Variants in PRSS53 observed in about 807,000 individuals in gnomAD.
PRSS53 encodes the protein EDTP308.
Under a neutral mutation model 62.7 loss-of-function variants are expected in PRSS53, and 54 were observed. That is an observed-to-expected ratio of 0.86 (90% CI 0.69 to 1.08). The LOEUF (loss-of-function observed/expected upper bound fraction) is 1.08, where lower values mean the gene tolerates loss of function less well. Among genes scored for constraint, PRSS53 ranks in the 50% least tolerant of loss-of-function variants. PRSS53 has a pLI of 0.00. For missense variants in PRSS53, 688 were observed against 728.3 expected, an observed-to-expected ratio of 0.94 and a Z score of 0.64; for synonymous variants, 273 against 300.0, an observed-to-expected ratio of 0.91 and a Z score of 0.93.
At chr16:31,088,050 A>G in intron 1 of PRSS53, 1 of 1,435,676 alleles carries the variant, frequency 7.0e-7, no homozygotes, top group Non-Finnish European at 9.1e-7. Flanking sequence ...AGCTGTGCTC[A>G]GCACTCTGGG....
intron 1 of PRSS53, chr16:31,088,527 C>A: frequency 7.0e-7 from 1 of 1,424,266 alleles, no homozygotes; most frequent in African/African-American, 1.4e-5. Context: ...ACACACAAGA[C>A]CACAGGCCCC....
intron 1 of PRSS53, chr16:31,088,445 G>C: frequency 7.8e-7 from 1 of 1,280,252 alleles, no homozygotes; most frequent in Non-Finnish European, 9.9e-7. Context: ...GAGGAGCCCA[G>C]AGTTTGCCTG....
intron 6 of PRSS53, among the ~76,000 whole-genome samples, chr16:31,085,716 T>C (rs1596787760): frequency 6.6e-6 from 1 of 152,202 alleles, no homozygotes; most frequent in South Asian, 2.1e-4. Context: ...GGGTCCCTGC[T>C]GGAAGCCTGC....
At chr16:31,088,498 C>G (rs949712167) in intron 1 of PRSS53, 60 of 1,384,500 alleles carry the variant, frequency 4.3e-5, no homozygotes, top group Non-Finnish European at 5.2e-5. Context: ...ACAGGACACA[C>G]GCAGGCAGCA....
chr16:31,088,113 C>T, intron 1 of PRSS53: 2 of 1,368,566 alleles, frequency 1.5e-6, no homozygotes, highest in Admixed American at 3.0e-5. Flanking sequence ...TTCAGAACCC[C>T]CAACTCCTGC....
exon 6 of PRSS53, chr16:31,085,970 A>G: frequency 6.2e-7 from 1 of 1,613,466 alleles, no homozygotes; most frequent in Non-Finnish European, 8.5e-7. Flanking sequence ...GTACCTACAC[A>G]GCTGTCCTCA....
chr16:31,086,541 G>T (rs764592392), intron 4 of PRSS53, 50 bp from the exon 5 acceptor site: 1 of 1,579,870 alleles, frequency 6.3e-7, no homozygotes, highest in South Asian at 1.2e-5. Flanking sequence ...TGGGAAGCAA[G>T]GGAGACTGGA....
At position 31,087,794 on chromosome 16, in the gene PRSS53, C is replaced by T. The variant is rs1205782617; in HGVS notation, c.79+12G>A. ...CCAAGTAAGACCTAGGCCCCGTGTC[C>T]CCAGACCTTACCACGCTGAGCGGCT... On this transcript the variant is annotated intron_variant, in intron 2 of 10. Transcript: ENST00000280606. The T allele has an allele frequency of 1.2e-6, 2 of 1,614,044 alleles. No homozygotes were observed. Among genetic ancestry groups the T allele is most frequent in the Admixed American group, 3.3e-5 (2 of 60,016 alleles).
chr16:31,088,690 G>A lies in PRSS53; in HGVS notation c.58+62C>T, dbSNP rs891634306. 9 of 1,607,786 alleles carry A rather than the reference G, an allele frequency of 5.6e-6. No individual in the cohort carries two copies. The African/African-American group carries it at 1.1e-4, about 19-fold the overall frequency. On this transcript the variant is annotated intron_variant, in intron 1 of 10. Coordinates refer to ENST00000280606, the Ensembl canonical transcript of PRSS53. Reference sequence around the variant, plus strand: ...CCCACCAAGAAGCAGGGACTGCTGGGGCAGAGATGGCCCCTGAGCCCCCAC... The same window carrying A: ...CCCACCAAGAAGCAGGGACTGCTGGAGCAGAGATGGCCCCTGAGCCCCCAC...
At chr16:31,085,708 G>T (rs1243106574) in intron 6 of PRSS53, among the ~76,000 whole-genome samples, 1 of 152,188 alleles carries the variant, frequency 6.6e-6, no homozygotes, top group Non-Finnish European at 1.5e-5. Flanking sequence ...GGCTCGCTGG[G>T]TCCCTGCTGG....
In PRSS53 at chr16:31,084,752, C is replaced by A. The variant is rs1359153510; in HGVS notation, c.1279+28G>T. The A allele has an allele frequency of 1.9e-6, 3 of 1,590,220 alleles. No individual in the cohort carries two copies. In the African/African-American group the frequency reaches 4.0e-5, roughly 21 times the overall value. ...TGCCCCGGCCTGCAGGTTGGATGGA[C>A]AGCAGCCCTGGCCCTGTGCCCACCT... On this transcript the variant is annotated intron_variant, in intron 8 of 10. Coordinates refer to ENST00000280606, the Ensembl canonical transcript of PRSS53.
At position 31,087,526 on chromosome 16, in the gene PRSS53, C is replaced by T. The variant is rs1195109160; in HGVS notation, c.242+11G>A. The T allele has an allele frequency of 1.2e-6, 2 of 1,609,586 alleles. No homozygotes were observed. Among genetic ancestry groups the T allele is most frequent in the Admixed American group, 1.7e-5 (1 of 59,854 alleles). On this transcript the variant is annotated intron_variant, in intron 3 of 10. Coordinates refer to ENST00000280606, the Ensembl canonical transcript of PRSS53. ...AGCCGGAGACCCTGCCTGACCCCAG[C>T]CATGACTTACTTTTCAAAGCAGTGG...
chr16:31,084,626 C>T (rs1596785605), exon 9 of PRSS53: 3 of 1,607,770 alleles, frequency 1.9e-6, no homozygotes, highest in Non-Finnish European at 8.5e-7. Context: ...CTGCCATCAC[C>T]CCCAGGAGCT....
At chr16:31,084,309 A>G in exon 10 of PRSS53, 3 of 1,612,802 alleles carry the variant, frequency 1.9e-6, no homozygotes, top group Non-Finnish European at 2.5e-6. Flanking sequence ...CCCTCACCTC[A>G]TGCACCAGTG....
At chr16:31,087,740 C>G (rs760717296) in intron 2 of PRSS53, 41 bp from the exon 3 acceptor site, 2 of 1,614,142 alleles carry the variant, frequency 1.2e-6, no homozygotes, top group East Asian at 4.5e-5. Context: ...AGATACCTGT[C>G]CTGACCTCAC....
chr16:31,088,878 C>A, exon 1 of PRSS53: 1 of 1,598,738 alleles, frequency 6.3e-7, no homozygotes, highest in Non-Finnish European at 8.5e-7. Flanking sequence ...CCTGGCTCCA[C>A]CTCTGCTCCA....
chr16:31,088,730 A>G (rs1347327249), intron 1 of PRSS53, 22 bp downstream of exon 1: 7 of 1,611,890 alleles, frequency 4.3e-6, no homozygotes, highest in African/African-American at 4.0e-5. Flanking sequence ...CCACACCCAT[A>G]CCCCAGCACA....
At chr16:31,087,973 A>G (rs988588897) in intron 1 of PRSS53, 147 bp from the exon 2 acceptor site, 39 of 1,534,706 alleles carry the variant, frequency 2.5e-5, no homozygotes, top group Non-Finnish European at 3.1e-5. Flanking sequence ...GAAAATATTT[A>G]TATGAGGCCG....
chr16:31,088,576 C>T, intron 1 of PRSS53, 176 bp downstream of exon 1: 2 of 1,438,750 alleles, frequency 1.4e-6, no homozygotes, highest in Non-Finnish European at 1.8e-6. Context: ...AAATCTCATC[C>T]ATGTTGACAC....
Sources: allele counts gnomAD v4.1 joint callset (sites outside exome capture counted in the v4.1 genomes callset), GRCh38; gene constraint gnomAD v4.1.1; transcripts MANE v1.5; gene names NCBI Gene and HGNC (gene_info 2026-07-23, HGNC 2026-07-21).